PLCE1: variants seen among roughly 807,000 people sequenced by gnomAD.
The protein encoded by PLCE1 is 1-phosphatidylinositol 4,5-bisphosphate phosphodiesterase epsilon-1.
PLCE1 carries 119 observed loss-of-function variants against 242.8 expected under a neutral mutation model. The observed-to-expected ratio is 0.49, with a 90% CI of 0.42 to 0.57. The LOEUF (loss-of-function observed/expected upper bound fraction) is 0.57. Ranked by LOEUF, PLCE1 falls within the 20% of genes least tolerant of loss-of-function variation. PLCE1 has a pLI of 0.00. For synonymous variants in PLCE1, 945 were observed against 1,017.4 expected (o/e 0.93, Z 1.35); for missense variants, 2,441 against 2,788.8 (o/e 0.88, Z 2.81).
intron 7 of PLCE1, among the ~76,000 whole-genome samples, chr10:94,245,028 A>G (rs2050630373): frequency 6.6e-6 from 1 of 152,222 alleles, no homozygotes; most frequent in Admixed American, 6.5e-5. Context: ...AAGCCAGCCT[A>G]TTAAGTCCTT....
At chr10:94,190,366 T>G (rs2048621484) in intron 4 of PLCE1, among the ~76,000 whole-genome samples, 1 of 152,164 alleles carries the variant, frequency 6.6e-6, no homozygotes, top group Non-Finnish European at 1.5e-5. Context: ...TTCAGTGCTT[T>G]GGGAGACTGA....
At position 94,332,086 on chromosome 10, in the gene PLCE1, G is replaced by A. The variant is rs1268611630; in HGVS notation, c.*4143G>A. 6.6e-6 allele frequency: 1 copy of A among 151,888 alleles called. No homozygotes were observed. The highest frequency in any genetic ancestry group is 1.5e-5 in the Non-Finnish European group (1 of 68,076). The allele number at this position is 151,888 out of a possible 1,614,324, so 9.4% of individuals were successfully genotyped here. On this transcript the variant is annotated 3_prime_UTR_variant, in exon 33 of 33. Transcript: ENST00000371380. Reference sequence around the variant, plus strand: ...GGGTTTCACTATGTTGGTAAGGCTGGTCTCGAACTCCTGACCTCGTGATCC... The same window carrying A: ...GGGTTTCACTATGTTGGTAAGGCTGATCTCGAACTCCTGACCTCGTGATCC...
At chr10:94,186,249 C>T (rs550531414) in intron 4 of PLCE1, among the ~76,000 whole-genome samples, 5 of 152,304 alleles carry the variant, frequency 3.3e-5, no homozygotes, top group African/African-American at 1.2e-4. Flanking sequence ...ATTCTCCGCT[C>T]TTAATTCCTG....
At chr10:94,267,354 C>G (rs1589444790) in intron 16 of PLCE1, among the ~76,000 whole-genome samples, 1 of 152,090 alleles carries the variant, frequency 6.6e-6, no homozygotes, top group South Asian at 2.1e-4. Flanking sequence ...TATCACACCC[C>G]AAGGAGAGAC....
intron 4 of PLCE1, among the ~76,000 whole-genome samples, chr10:94,214,495 GTCTGT>G (rs2049451412): frequency 6.6e-6 from 1 of 151,990 alleles, no homozygotes. Flanking sequence ...CTTCTTAATG[GTCTGT>G]TCTATCTACC....
At chr10:94,107,999 G>A (rs569457778) in intron 2 of PLCE1, 1 of 152,270 alleles carries the variant, frequency 6.6e-6, no homozygotes, top group African/African-American at 2.4e-5. Context: ...TCTAACCAAC[G>A]GGAGGAAATT....
intron 22 of PLCE1, among the ~76,000 whole-genome samples, chr10:94,292,037 C>G (rs1223388472): frequency 6.6e-6 from 1 of 152,116 alleles, no homozygotes; most frequent in African/African-American, 2.4e-5. Flanking sequence ...CAGAGCCCCT[C>G]CCCACTGGTC....
At chr10:94,243,770 G>T (rs1408909454) in intron 7 of PLCE1, among the ~76,000 whole-genome samples, 1 of 151,764 alleles carries the variant, frequency 6.6e-6, no homozygotes, top group African/African-American at 2.4e-5. Context: ...ATAACATCTT[G>T]TTTTTCTTTG....
intron 4 of PLCE1, among the ~76,000 whole-genome samples, chr10:94,179,512 G>GTTTAGTTTTTTTTTTTTTTTTT (rs2048228428): frequency 5.2e-5 from 1 of 19,400 alleles, no homozygotes; most frequent in Non-Finnish European, 1.0e-4. Flanking sequence ...TTTTAGTTTA[G>GTTTAGTTTTTTTTTTTTTTTTT]TTTTTTTTTT....
chr10:94,172,774 C>A (rs750231583), intron 4 of PLCE1, among the ~76,000 whole-genome samples: 4 of 152,156 alleles, frequency 2.6e-5, no homozygotes, highest in African/African-American at 9.7e-5. Flanking sequence ...CTTCAGTGAG[C>A]TAGGATCACG....
chr10:94,069,942 T>G (rs1349294817), intron 2 of PLCE1, among the ~76,000 whole-genome samples: 1 of 152,184 alleles, frequency 6.6e-6, no homozygotes, highest in Admixed American at 6.5e-5. Context: ...AAGTACCAGT[T>G]AACTCAGAGC....
At chr10:94,157,372 C>T (rs2047466514) in intron 3 of PLCE1, among the ~76,000 whole-genome samples, 1 of 152,122 alleles carries the variant, frequency 6.6e-6, no homozygotes, top group South Asian at 2.1e-4. Context: ...TTAATTTCCC[C>T]ATCATCACTG....
intron 4 of PLCE1, among the ~76,000 whole-genome samples, chr10:94,218,903 T>TAAA (rs10661238): frequency 4.1e-5 from 6 of 146,110 alleles, no homozygotes; most frequent in African/African-American, 7.4e-5. Flanking sequence ...TATATAATTA[T>TAAA]AAAAAATCTG....
At chr10:94,027,873 G>T (rs2061483069) in intron 1 of PLCE1, among the ~76,000 whole-genome samples, 1 of 151,664 alleles carries the variant, frequency 6.6e-6, no homozygotes, top group Non-Finnish European at 1.5e-5. Flanking sequence ...AAAATGAAAG[G>T]CTTCTCCTAG....
At position 94,132,440 on chromosome 10, in the gene PLCE1, T is replaced by C; in HGVS notation, c.1473T>C (p.Thr491=). 6.2e-7 allele frequency: 1 copy of C among 1,614,088 alleles called. No individual in the cohort carries two copies. Among genetic ancestry groups the C allele is most frequent in the Non-Finnish European group, 8.5e-7 (1 of 1,179,966 alleles). The change falls in exon 3 of 33, where the codon ACT becomes ACC. Residue 491 remains threonine (T), a synonymous_variant. Transcript: ENST00000371380. ...TTCTCAGTACTTTTGGAGGATCCAC[T>C]GGACGAATGATGCTGAAAGGTAATG... The part of the protein sequence containing the change: ...SGLLSTFGGS[T]GRMMLKERQP...
chr10:94,295,025 C>T (rs2052763805), intron 23 of PLCE1, among the ~76,000 whole-genome samples: 2 of 150,390 alleles, frequency 1.3e-5, no homozygotes. Flanking sequence ...ACGCCATTCT[C>T]CTGCCTCAGC....
intron 14 of PLCE1, among the ~76,000 whole-genome samples, chr10:94,263,177 G>A (rs1173348718): frequency 6.6e-6 from 1 of 151,554 alleles, no homozygotes; most frequent in Non-Finnish European, 1.5e-5. Context: ...ACCTTGTTTT[G>A]TTTTGTTTTT....
chr10:94,057,447 C>G (rs2043938383), intron 2 of PLCE1, among the ~76,000 whole-genome samples: 1 of 152,068 alleles, frequency 6.6e-6, no homozygotes, highest in South Asian at 2.1e-4. Context: ...GGACATTTTA[C>G]ATTATTATTA....
chr10:94,305,639 T>C (rs905395112), intron 25 of PLCE1, among the ~76,000 whole-genome samples: 1 of 152,194 alleles, frequency 6.6e-6, no homozygotes, highest in Non-Finnish European at 1.5e-5. Context: ...CTTTCCTATT[T>C]GTTATTTTTT....
Sources: gnomAD v4.1 joint callset for allele counts (sites outside exome capture counted in the v4.1 genomes callset) on GRCh38, gnomAD v4.1.1 for gene constraint, MANE v1.5 for transcripts, NCBI Gene and HGNC (gene_info 2026-07-23, HGNC 2026-07-21) for gene names.